Variants in AGBL4 observed in about 807,000 individuals in gnomAD.
The protein encoded by AGBL4 is cytosolic carboxypeptidase 6.
AGBL4 carries 58 observed loss-of-function variants against 66.4 expected under a neutral mutation model. The ratio of observed to expected loss-of-function variants is 0.87; its 90% CI spans 0.71 to 1.09. AGBL4 has a LOEUF of 1.09. AGBL4 is among the 50% of genes least tolerant of loss of function. The pLI is 0.00. For missense variants in AGBL4, 579 were observed against 631.0 expected, an observed-to-expected ratio of 0.92 and a Z score of 0.88; for synonymous variants, 234 against 222.9, an observed-to-expected ratio of 1.05 and a Z score of -0.44.
At chr1:49,888,257 T>C (rs1648272567) in intron 1 of AGBL4, among the ~76,000 whole-genome samples, 1 of 152,142 alleles carries the variant, frequency 6.6e-6, no homozygotes, top group African/African-American at 2.4e-5. Context: ...ATCAATATTA[T>C]AAAAAATTAA....
At chr1:49,502,080 C>A (rs910297870) in intron 3 of AGBL4, among the ~76,000 whole-genome samples, 7 of 152,066 alleles carry the variant, frequency 4.6e-5, no homozygotes, top group African/African-American at 1.7e-4. Flanking sequence ...AATATGTGTT[C>A]TGCTGCTGTT....
intron 1 of AGBL4, among the ~76,000 whole-genome samples, chr1:49,910,241 G>A (rs187173704): frequency 2.0e-5 from 3 of 152,246 alleles, no homozygotes; most frequent in African/African-American, 7.2e-5. Flanking sequence ...CCAAGAGAGT[G>A]GTCTCAGAAG....
At chr1:49,407,940 C>A (rs74077108) in intron 3 of AGBL4, among the ~76,000 whole-genome samples, 2 of 152,140 alleles carry the variant, frequency 1.3e-5, no homozygotes, top group Admixed American at 1.3e-4. Flanking sequence ...AAATGTCCAG[C>A]CTTTACTGAG....
chr1:50,001,991 T>C (rs534581933), intron 1 of AGBL4, among the ~76,000 whole-genome samples: 1 of 152,288 alleles, frequency 6.6e-6, no homozygotes, highest in South Asian at 2.1e-4. Context: ...TTTTTCCTGA[T>C]AACAAAAATT....
chr1:48,988,772 G>C (rs947480457), intron 5 of AGBL4, among the ~76,000 whole-genome samples: 3 of 152,066 alleles, frequency 2.0e-5, no homozygotes, highest in Non-Finnish European at 1.5e-5. Context: ...GCATTCCCAG[G>C]CATATGAATG....
intron 1 of AGBL4, among the ~76,000 whole-genome samples, chr1:49,955,956 A>T (rs1488768987): frequency 1.3e-5 from 2 of 151,856 alleles, no homozygotes; most frequent in South Asian, 4.1e-4. Context: ...GCCATATCTC[A>T]TTCATTAACA....
intron 11 of AGBL4, among the ~76,000 whole-genome samples, chr1:48,571,213 G>A (rs570353582): frequency 5.2e-4 from 79 of 152,340 alleles, no homozygotes; most frequent in Non-Finnish European, 9.3e-4. Context: ...GTCACACAGG[G>A]CCTGGAAGTG....
chr1:49,156,577 CTTGGAAGGCTTCAG>C (rs1484585088), intron 4 of AGBL4, among the ~76,000 whole-genome samples: 3 of 152,040 alleles, frequency 2.0e-5, no homozygotes, highest in African/African-American at 7.3e-5. Context: ...ATTGGCATGG[CTTGGAAGGCTTCAG>C]TTCCTCATTA....
chr1:49,563,215 A>C (rs971971268), intron 3 of AGBL4, among the ~76,000 whole-genome samples: 1 of 78,700 alleles, frequency 1.3e-5, no homozygotes, highest in Non-Finnish European at 2.7e-5. Flanking sequence ...TTGGGCTGAG[A>C]CAATGGGGTT....
At chr1:49,327,565 G>A (rs992146028) in intron 3 of AGBL4, among the ~76,000 whole-genome samples, 2 of 152,170 alleles carry the variant, frequency 1.3e-5, no homozygotes, top group African/African-American at 2.4e-5. Context: ...CCAAGATGGC[G>A]CCTTGCTGCA....
At chr1:49,019,424 T>C (rs1193345322) in intron 5 of AGBL4, among the ~76,000 whole-genome samples, 1 of 152,218 alleles carries the variant, frequency 6.6e-6, no homozygotes, top group East Asian at 1.9e-4. Context: ...GATGTTGTTT[T>C]GGCATTTCTT....
intron 4 of AGBL4, among the ~76,000 whole-genome samples, chr1:49,127,410 C>A (rs1043881913): frequency 1.3e-5 from 2 of 152,074 alleles, no homozygotes; most frequent in Admixed American, 1.3e-4. Context: ...AACCAAATAC[C>A]ACCTGTTCCT....
intron 6 of AGBL4, among the ~76,000 whole-genome samples, chr1:48,769,496 A>C (rs1367606338): frequency 6.7e-6 from 1 of 148,720 alleles, no homozygotes; most frequent in Non-Finnish European, 1.5e-5. Flanking sequence ...TAAGCCTTTC[A>C]TGCTTAGGTC....
At chr1:49,536,840 C>T (rs1227271004) in intron 3 of AGBL4, among the ~76,000 whole-genome samples, 1 of 152,084 alleles carries the variant, frequency 6.6e-6, no homozygotes, top group Non-Finnish European at 1.5e-5. Context: ...AAAACCCCGT[C>T]TCTACTAAAA....
chr1:48,605,790 G>C (rs973353881), intron 9 of AGBL4, among the ~76,000 whole-genome samples: 2 of 152,186 alleles, frequency 1.3e-5, no homozygotes, highest in African/African-American at 4.8e-5. Context: ...TATCTTCTCT[G>C]AGAAATGCTA....
At chr1:49,123,621 C>T (rs1645706930) in intron 4 of AGBL4, among the ~76,000 whole-genome samples, 1 of 152,030 alleles carries the variant, frequency 6.6e-6, no homozygotes, top group Non-Finnish European at 1.5e-5. Flanking sequence ...TTTCCTATTG[C>T]TAGGGTGTGT....
chr1:49,015,124 T>A (rs1284064258), intron 5 of AGBL4, among the ~76,000 whole-genome samples: 1 of 152,194 alleles, frequency 6.6e-6, no homozygotes, highest in Non-Finnish European at 1.5e-5. Context: ...ACCTAGAGGC[T>A]GGAACTGGAC....
the AGBL4 span, among the ~76,000 whole-genome samples, chr1:48,525,149 T>G: frequency 6.6e-6 from 1 of 152,162 alleles, no homozygotes; most frequent in Non-Finnish European, 1.5e-5. Flanking sequence ...GCCCCATAAA[T>G]GAGTAAGACT....
rs531482987 is a variant in AGBL4 at position 49,003,347 on chromosome 1, G to A, written c.594+42237C>T. Among the ~76,000 whole-genome samples the A allele has an allele frequency of 2.9e-3, 442 of 152,174 alleles. 3 individuals are homozygous for A. Among genetic ancestry groups the A allele is most frequent in the African/African-American group, 0.01 (418 of 41,522 alleles). On this transcript the variant is annotated intron_variant, in intron 5 of 13. Coordinates refer to ENST00000371839, the MANE Select transcript of AGBL4 (RefSeq NM_032785.4). ...CAGGAGGCAGAGGTTGTAGTGAGCC[G>A]AGATCACGCCATTGCACTCCAGCCT...
Sources: gnomAD v4.1 joint callset for allele counts (sites outside exome capture counted in the v4.1 genomes callset) on GRCh38, gnomAD v4.1.1 for gene constraint, MANE v1.5 for transcripts, NCBI Gene and HGNC (gene_info 2026-07-23, HGNC 2026-07-21) for gene names.